The following SNX29 variants were observed in gnomAD, a reference collection of about 807,000 sequenced individuals.
The protein encoded by SNX29 is sorting nexin-29.
SNX29 carries 78 observed loss-of-function variants against 102.1 expected under a neutral mutation model. That is an observed-to-expected ratio of 0.76 (90% confidence interval 0.64 to 0.92). The LOEUF is 0.92. Ranked by LOEUF, SNX29 falls within the 40% of genes least tolerant of loss-of-function variation. The pLI, the probability that SNX29 is intolerant of heterozygous loss-of-function variation, is 0.00. For synonymous variants in SNX29, 580 were observed against 414.5 expected (o/e 1.40, Z -4.85); for missense variants, 1,280 against 1,061.7 (o/e 1.21, Z -2.86).
At chr16:12,017,967 G>T (rs758242173) in intron 3 of SNX29, among the ~76,000 whole-genome samples, 1 of 151,842 alleles carries the variant, frequency 6.6e-6, no homozygotes, top group East Asian at 1.9e-4. Flanking sequence ...GTGCAATGGC[G>T]CGATCTTGGC....
chr16:11,994,164 A>G (rs1050062247), intron 1 of SNX29, among the ~76,000 whole-genome samples: 1 of 152,204 alleles, frequency 6.6e-6, no homozygotes, highest in Non-Finnish European at 1.5e-5. Flanking sequence ...AGACCCAACT[A>G]GGTGACTGAC....
intron 20 of SNX29, chr16:12,556,646 G>A (rs535284880): frequency 6.6e-6 from 1 of 152,264 alleles, no homozygotes; most frequent in Admixed American, 6.6e-5. Flanking sequence ...GGGTTTAGGA[G>A]ACACAGCAGA....
At chr16:12,475,218 G>A (rs954437477) in intron 18 of SNX29, among the ~76,000 whole-genome samples, 6 of 152,182 alleles carry the variant, frequency 3.9e-5, no homozygotes, top group East Asian at 3.8e-4. Flanking sequence ...TTGCCCACTC[G>A]TCAGAATCAC....
chr16:12,565,395 C>G (rs560890508), intron 20 of SNX29, among the ~76,000 whole-genome samples: 5 of 152,152 alleles, frequency 3.3e-5, no homozygotes, highest in East Asian at 1.9e-4. Context: ...CAGGTGTCAT[C>G]CACTCAACTT....
chr16:12,425,682 T>C (rs2151605918), intron 18 of SNX29, among the ~76,000 whole-genome samples: 1 of 152,194 alleles, frequency 6.6e-6, no homozygotes, highest in Non-Finnish European at 1.5e-5. Context: ...CCTGGGCCAG[T>C]TCTACTCAAA....
At chr16:12,234,137 C>T (rs1296027636) in intron 14 of SNX29, among the ~76,000 whole-genome samples, 1 of 152,128 alleles carries the variant, frequency 6.6e-6, no homozygotes, top group Non-Finnish European at 1.5e-5. Flanking sequence ...TGGGTCAAAG[C>T]GGCTGTACCT....
chr16:12,271,127 A>G (rs1260944898), intron 14 of SNX29, among the ~76,000 whole-genome samples: 1 of 152,274 alleles, frequency 6.6e-6, no homozygotes, highest in Non-Finnish European at 1.5e-5. Flanking sequence ...TTGTTGTGTA[A>G]CAAATTACCT....
intron 1 of SNX29, among the ~76,000 whole-genome samples, chr16:11,995,524 G>T (rs912303589): frequency 1.3e-5 from 2 of 151,504 alleles, no homozygotes; most frequent in Non-Finnish European, 2.9e-5. Context: ...GGTAGTTTTT[G>T]TATAAAGAAC....
chr16:12,543,070 C>T (rs541902206), intron 20 of SNX29, among the ~76,000 whole-genome samples: 2 of 152,194 alleles, frequency 1.3e-5, no homozygotes, highest in South Asian at 2.1e-4. Flanking sequence ...TTGGTTTCAC[C>T]CTCAAGCATG....
At chr16:12,043,519 T>C (rs2049969582) in intron 5 of SNX29, among the ~76,000 whole-genome samples, 1 of 152,072 alleles carries the variant, frequency 6.6e-6, no homozygotes, top group South Asian at 2.1e-4. Context: ...CATGCCTGGC[T>C]AATTTAAAAA....
At chr16:12,084,602 G>A (rs892815622) in intron 11 of SNX29, among the ~76,000 whole-genome samples, 1 of 152,132 alleles carries the variant, frequency 6.6e-6, no homozygotes, top group East Asian at 1.9e-4. Flanking sequence ...CCTCAGGGCC[G>A]GGAGGGCACA....
chr16:12,484,655 C>A (rs2088138794), intron 19 of SNX29, among the ~76,000 whole-genome samples: 1 of 152,114 alleles, frequency 6.6e-6, no homozygotes, highest in Admixed American at 6.5e-5. Context: ...GGCCTTTGCA[C>A]CTGTCACACC....
At chr16:12,382,905 A>T (rs1255294135) in intron 16 of SNX29, among the ~76,000 whole-genome samples, 1 of 151,430 alleles carries the variant, frequency 6.6e-6, no homozygotes, top group Non-Finnish European at 1.5e-5. Flanking sequence ...TTTAGGGCCT[A>T]CCTGGATAAT....
chr16:12,572,213 C>G lies in SNX29; in HGVS notation c.*3584C>G. The stretch of plus-strand genomic sequence containing the variant: ...GGCAGGTAGTATTGTGCTTTAAAAA[C>G]CAGAGGCTCCTGAAAGTCGTTTACA... On this transcript the variant is annotated 3_prime_UTR_variant, in exon 21 of 21. Coordinates refer to ENST00000566228, the MANE Select transcript of SNX29 (RefSeq NM_032167.5). 3.0e-6 allele frequency: 3 copies of G among 994,578 alleles called. No homozygotes were observed. The highest frequency in any genetic ancestry group is 3.7e-6 in the Non-Finnish European group (3 of 815,582). The allele number at this position is 994,578 out of a possible 1,614,324, so 61.6% of individuals were successfully genotyped here.
chr16:12,345,488 C>T (rs74812990), intron 15 of SNX29, among the ~76,000 whole-genome samples: 2,531 of 152,330 alleles, frequency 0.017, 78 homozygotes, highest in African/African-American at 0.057. Flanking sequence ...TCACCGAACT[C>T]AGATATCATG....
intron 15 of SNX29, among the ~76,000 whole-genome samples, chr16:12,307,385 A>G (rs2080370869): frequency 6.6e-6 from 1 of 152,326 alleles, no homozygotes; most frequent in Middle Eastern, 3.4e-3. Flanking sequence ...AAAATGAGAA[A>G]TGCAATTCCT....
intron 15 of SNX29, among the ~76,000 whole-genome samples, chr16:12,322,187 C>T (rs1567436470): frequency 6.6e-6 from 1 of 152,174 alleles, no homozygotes; most frequent in East Asian, 1.9e-4. Context: ...TAGGGTAGAA[C>T]CCATAAGGCC....
intron 14 of SNX29, among the ~76,000 whole-genome samples, chr16:12,215,360 T>C (rs2077294903): frequency 6.6e-6 from 1 of 151,618 alleles, no homozygotes; most frequent in African/African-American, 2.4e-5. Context: ...CCAGACTCTC[T>C]GGGCTAAAGT....
intron 3 of SNX29, among the ~76,000 whole-genome samples, chr16:12,021,149 G>A (rs1032503780): frequency 1.3e-5 from 2 of 152,154 alleles, no homozygotes; most frequent in Non-Finnish European, 2.9e-5. Context: ...AAGAATTGCC[G>A]GTTGTGGTGG....
Sources: allele counts gnomAD v4.1 joint callset (sites outside exome capture counted in the v4.1 genomes callset), GRCh38; gene constraint gnomAD v4.1.1; transcripts MANE v1.5; gene names NCBI Gene and HGNC (gene_info 2026-07-23, HGNC 2026-07-21).